The following ENPP1 variants were observed in gnomAD, a reference collection of about 807,000 sequenced individuals.
The protein encoded by ENPP1 is ectonucleotide pyrophosphatase/phosphodiesterase family member 1.
A neutral mutation model predicts 122.8 loss-of-function variants in ENPP1; 73 were observed. The observed-to-expected ratio is 0.59, with a 90% CI of 0.49 to 0.72. The LOEUF is 0.72. Among genes scored for constraint, ENPP1 ranks in the 30% least tolerant of loss-of-function variants. The pLI is 0.00. For synonymous variants in ENPP1, 367 were observed against 391.6 expected (o/e 0.94, Z 0.74); for missense variants, 978 against 1,128.1 (o/e 0.87, Z 1.91).
intron 18 of ENPP1, chr6:131,877,866 A>C (rs9375836): frequency 1.9e-5 from 1 of 53,022 alleles, no homozygotes; most frequent in Non-Finnish European, 3.0e-5. Context: ...AAAAAAAAAA[A>C]ATATATATAT....
chr6:131,891,673 G>C lies in ENPP1; in HGVS notation c.*1162G>C, dbSNP rs891815723. The C allele has an allele frequency of 4.6e-5, 7 of 151,530 alleles. No individual in the cohort carries two copies. The highest frequency in any genetic ancestry group is 1.7e-4 in the African/African-American group (7 of 41,206). The allele number at this position is 151,530 out of a possible 1,614,324, so 9.4% of individuals were successfully genotyped here. A position where few individuals can be genotyped will look rare whatever the true frequency, so the allele number is the denominator to read the frequency against. ...TCCTTCGTGTGACCATTCTTCAACG[G>C]CCTAAGGGCCAGCTGCAAAGACTTT... On this transcript the variant is annotated 3_prime_UTR_variant, in exon 25 of 25. Transcript: ENST00000647893.
chr6:131,868,150 C>G, intron 12 of ENPP1, 24 bp downstream of exon 12: 1 of 1,522,602 alleles, frequency 6.6e-7, no homozygotes, highest in African/African-American at 1.4e-5. Context: ...GCATTATTTA[C>G]TCTTCAGGAT....
intron 1 of ENPP1, among the ~76,000 whole-genome samples, chr6:131,812,958 G>C (rs772072953): frequency 2.0e-4 from 30 of 152,030 alleles, no homozygotes; most frequent in Admixed American, 3.9e-4. Context: ...TTCTGTCTCA[G>C]CCTCCCAAGT....
At chr6:131,815,303 C>T (rs1248682872) in intron 1 of ENPP1, among the ~76,000 whole-genome samples, 3 of 152,108 alleles carry the variant, frequency 2.0e-5, no homozygotes, top group Non-Finnish European at 2.9e-5. Flanking sequence ...TACACCAAGG[C>T]CTCTTTGGTT....
chr6:131,853,639 G>T (rs373260221), intron 5 of ENPP1, among the ~76,000 whole-genome samples: 1 of 152,258 alleles, frequency 6.6e-6, no homozygotes, highest in East Asian at 1.9e-4. Flanking sequence ...GTATAAAAAT[G>T]TTCTCCTTGT....
chr6:131,837,179 T>TGG (rs1781685264), intron 1 of ENPP1, among the ~76,000 whole-genome samples: 1 of 147,858 alleles, frequency 6.8e-6, no homozygotes, highest in Non-Finnish European at 1.5e-5. Context: ...TCATTGTGTG[T>TGG]GTGTGTGTGT....
intron 1 of ENPP1, among the ~76,000 whole-genome samples, chr6:131,845,823 T>C (rs796792707): frequency 1.3e-5 from 2 of 152,280 alleles, no homozygotes; most frequent in African/African-American, 4.8e-5. Context: ...GGAGAATCCA[T>C]TACTATTCTC....
intron 24 of ENPP1, among the ~76,000 whole-genome samples, chr6:131,887,259 A>C (rs1737477834): frequency 6.6e-6 from 1 of 152,186 alleles, no homozygotes; most frequent in African/African-American, 2.4e-5. Context: ...CTTAATTATA[A>C]AAAATCTTTT....
chr6:131,848,333 A>G (rs1431300399), intron 2 of ENPP1, among the ~76,000 whole-genome samples: 3 of 152,180 alleles, frequency 2.0e-5, no homozygotes, highest in Admixed American at 6.5e-5. Context: ...AAATCTATCC[A>G]GCATTGACAA....
intron 16 of ENPP1, among the ~76,000 whole-genome samples, chr6:131,874,827 GAT>G (rs550870101): frequency 2.0e-3 from 260 of 132,910 alleles, no homozygotes; most frequent in African/African-American, 8.7e-3. Flanking sequence ...AAATGTGTGA[GAT>G]ATATATATAT....
intron 1 of ENPP1, among the ~76,000 whole-genome samples, chr6:131,839,357 A>G (rs6916900): frequency 0.012 from 1,890 of 152,044 alleles, 54 homozygotes; most frequent in African/African-American, 0.042. Context: ...CTTACCTCCA[A>G]TGACTGGTGA....
In ENPP1 at chr6:131,886,637, T is replaced by C. The variant is rs750069608; in HGVS notation, c.2520T>C (p.Asp840=). 1 of 1,613,930 alleles carries C rather than the reference T, an allele frequency of 6.2e-7. No individual in the cohort carries two copies. Among genetic ancestry groups the C allele is most frequent in the Non-Finnish European group, 8.5e-7 (1 of 1,179,798 alleles). Residue 840 remains aspartate, a synonymous_variant, in exon 24 of 25, where the codon GAT becomes GAC. Coordinates refer to ENST00000647893, the MANE Select transcript of ENPP1 (RefSeq NM_006208.3). The part of the protein sequence containing the change: ...HFFIVLTSCK[D]TSQTPLHCEN... ...TTATTGTGCTAACAAGCTGTAAAGA[T>C]ACATCTCAGACGCCTTTGCACTGTG... is the stretch of plus-strand genomic sequence containing the variant.
chr6:131,845,455 T>TG (rs1311732388), intron 1 of ENPP1, among the ~76,000 whole-genome samples: 4 of 148,878 alleles, frequency 2.7e-5, no homozygotes, highest in Non-Finnish European at 6.0e-5. Context: ...TGGCTTGTTT[T>TG]TTTTTTTTTT....
chr6:131,810,502 A>C (rs1336155384), intron 1 of ENPP1, among the ~76,000 whole-genome samples: 1 of 121,712 alleles, frequency 8.2e-6, no homozygotes, highest in Non-Finnish European at 1.6e-5. Context: ...AAAAGGCCCC[A>C]AAAGCATCCT....
intron 1 of ENPP1, among the ~76,000 whole-genome samples, chr6:131,831,131 A>AAG (rs1405537797): frequency 1.3e-5 from 2 of 151,260 alleles, no homozygotes; most frequent in African/African-American, 4.8e-5. Flanking sequence ...AAAAAAAAAA[A>AAG]AAAAAAGAAA....
intron 9 of ENPP1, among the ~76,000 whole-genome samples, chr6:131,863,801 A>C (rs1782053839): frequency 6.6e-6 from 1 of 151,486 alleles, no homozygotes; most frequent in Non-Finnish European, 1.5e-5. Flanking sequence ...CTGTAGTCCC[A>C]GCTACTCGGG....
chr6:131,889,388 C>G (rs930073273), intron 24 of ENPP1, among the ~76,000 whole-genome samples: 2 of 152,014 alleles, frequency 1.3e-5, no homozygotes, highest in Non-Finnish European at 2.9e-5. Context: ...TCCTCCCACC[C>G]CCTGCCCTCC....
At chr6:131,825,892 C>A in intron 1 of ENPP1, 1 of 303,516 alleles carries the variant, frequency 3.3e-6, no homozygotes, top group Non-Finnish European at 6.1e-6. Flanking sequence ...CATTTTTCAT[C>A]TTTATTAACT....
intron 1 of ENPP1, among the ~76,000 whole-genome samples, chr6:131,845,374 A>G (rs1216315489): frequency 2.0e-5 from 3 of 150,770 alleles, no homozygotes; most frequent in Non-Finnish European, 4.4e-5. Flanking sequence ...TACACTAAAT[A>G]TAGATGTTTT....
Sources: gnomAD v4.1 joint callset for allele counts (sites outside exome capture counted in the v4.1 genomes callset) on GRCh38, gnomAD v4.1.1 for gene constraint, MANE v1.5 for transcripts, NCBI Gene and HGNC (gene_info 2026-07-23, HGNC 2026-07-21) for gene names.